The following ITGB5 variants were observed in gnomAD, a reference collection of about 807,000 sequenced individuals.
ITGB5 encodes integrin subunit beta 5, also known as integrin beta-5.
A neutral mutation model predicts 84.8 loss-of-function variants in ITGB5; 38 were observed. The observed-to-expected ratio is 0.45, with a 90% CI of 0.35 to 0.59. The LOEUF is 0.59. Among genes scored for constraint, ITGB5 ranks in the 20% least tolerant of loss-of-function variants. The pLI, the probability that ITGB5 is intolerant of heterozygous loss-of-function variation, is 0.01. For missense variants in ITGB5, 905 were observed against 1,034.5 expected (o/e 0.87, Z 1.72); for synonymous variants, 393 against 414.4 (o/e 0.95, Z 0.63).
chr3:124,812,833 C>G (rs935703517), intron 8 of ITGB5, among the ~76,000 whole-genome samples: 2 of 152,208 alleles, frequency 1.3e-5, no homozygotes, highest in Non-Finnish European at 2.9e-5. Context: ...CCTCCTCAGC[C>G]TGGCCAAATA....
At chr3:124,856,660 T>G (rs1341435109) in intron 3 of ITGB5, among the ~76,000 whole-genome samples, 1 of 152,232 alleles carries the variant, frequency 6.6e-6, no homozygotes, top group Non-Finnish European at 1.5e-5. Flanking sequence ...TGGATTATTT[T>G]TCTAGAATTT....
intron 2 of ITGB5, among the ~76,000 whole-genome samples, chr3:124,860,623 T>A (rs1003932428): frequency 2.0e-5 from 3 of 152,236 alleles, no homozygotes; most frequent in Admixed American, 2.0e-4. Context: ...CAAAGGGGTT[T>A]CACCTTTTCC....
intron 2 of ITGB5, 106 bp downstream of exon 2, chr3:124,873,340 A>G (rs1196820632): frequency 2.4e-6 from 2 of 823,432 alleles, no homozygotes; most frequent in East Asian, 4.9e-5. Flanking sequence ...GAATCTGCAC[A>G]GGATTTTTAT....
At chr3:124,783,312 AAGAG>A (rs1220165092) in intron 10 of ITGB5, among the ~76,000 whole-genome samples, 3,308 of 146,982 alleles carry the variant, frequency 0.023, 52 homozygotes, top group Middle Eastern at 0.056. Flanking sequence ...AAAAAAAAAA[AAGAG>A]AGAGAGAGAG....
upstream of ITGB5, among the ~76,000 whole-genome samples, chr3:124,891,473 A>G (rs1934999849): frequency 6.6e-6 from 1 of 151,632 alleles, no homozygotes; most frequent in Non-Finnish European, 1.5e-5. Flanking sequence ...GGAGGCCAGG[A>G]GTTCAAGACC....
At chr3:124,797,184 G>T (rs1011756026) in intron 9 of ITGB5, among the ~76,000 whole-genome samples, 5 of 152,122 alleles carry the variant, frequency 3.3e-5, no homozygotes, top group Admixed American at 6.5e-5. Flanking sequence ...TCCCAGCCCC[G>T]CTGCAGATGC....
At chr3:124,825,625 A>G (rs2064774332) in intron 5 of ITGB5, among the ~76,000 whole-genome samples, 2 of 152,242 alleles carry the variant, frequency 1.3e-5, no homozygotes, top group East Asian at 3.8e-4. Flanking sequence ...GGTATCCAGA[A>G]AAAGAAAAAA....
chr3:124,780,085 C>A (rs559436931), intron 10 of ITGB5, among the ~76,000 whole-genome samples: 150 of 151,816 alleles, frequency 9.9e-4, no homozygotes, highest in African/African-American at 3.5e-3. Context: ...GGCACAGTGG[C>A]CCTCAGCGAG....
In ITGB5 at chr3:124,796,398, G is replaced by A. The variant is rs547258315; in HGVS notation, c.1683C>T (p.Val561=). The stretch of plus-strand genomic sequence containing the variant: ...GCTGGGGACACTTACCTGAGCAGAG[G>A]ACTCCCTTGTTCCTGGCACAGGAGA... ...DNFSCARNKG[V]LCSGHGECHC... is the part of the protein sequence containing the mutation. Residue 561 remains valine, a synonymous_variant, in exon 10 of 15, where the codon GTC becomes GTT. Transcript: ENST00000296181. The A allele has an allele frequency of 1.3e-5, 21 of 1,609,466 alleles. No individual in the cohort carries two copies. The Admixed American group carries it at 3.0e-4, about 23-fold the overall frequency.
intron 6 of ITGB5, among the ~76,000 whole-genome samples, chr3:124,820,081 G>A (rs1559951829): frequency 6.6e-6 from 1 of 152,194 alleles, no homozygotes; most frequent in East Asian, 1.9e-4. Context: ...TCACCCCAGA[G>A]TGGAGAGGTG....
chr3:124,819,858 G>C (rs775015282), intron 6 of ITGB5, 24 bp from the exon 7 acceptor site: 1 of 1,528,828 alleles, frequency 6.5e-7, no homozygotes, highest in Non-Finnish European at 9.1e-7. Context: ...AAAAGTCAAG[G>C]CTATGACATT....
At chr3:124,827,480 C>T (rs947132827) in intron 5 of ITGB5, among the ~76,000 whole-genome samples, 2 of 152,118 alleles carry the variant, frequency 1.3e-5, no homozygotes, top group African/African-American at 4.8e-5. Flanking sequence ...TAAATTATTG[C>T]ATGCTAAACA....
intron 3 of ITGB5, among the ~76,000 whole-genome samples, chr3:124,853,445 C>G: frequency 6.6e-6 from 1 of 152,182 alleles, no homozygotes; most frequent in East Asian, 1.9e-4. Flanking sequence ...CCTATGGAAC[C>G]AAGGAACAAG....
chr3:124,895,849 A>G (rs1935091138), intron 1 of ITGB5, among the ~76,000 whole-genome samples: 1 of 152,160 alleles, frequency 6.6e-6, no homozygotes, highest in South Asian at 2.1e-4. Flanking sequence ...AGAAGAATTG[A>G]GTTCCAGTCC....
chr3:124,831,670 A>G (rs1025494075), intron 5 of ITGB5, among the ~76,000 whole-genome samples: 3 of 152,214 alleles, frequency 2.0e-5, no homozygotes, highest in African/African-American at 7.2e-5. Context: ...CAGAGACTGT[A>G]GCTTTAAATT....
intron 14 of ITGB5, 45 bp downstream of exon 14, chr3:124,764,346 T>G (rs1467889247): frequency 6.3e-7 from 1 of 1,578,420 alleles, no homozygotes; most frequent in African/African-American, 1.3e-5. Flanking sequence ...CAACCACGCC[T>G]CTGAGCTTGA....
At position 124,768,991 on chromosome 3, in the gene ITGB5, C is replaced by A. The variant is rs373303609; in HGVS notation, c.2017+22G>T. ...AGGAAGGAGAAAAACCGTGACTGCC[C>A]GGGTGGTGGCAGCACACTCACCGAT... On this transcript the variant is annotated intron_variant, in intron 12 of 14. Coordinates refer to ENST00000296181, the MANE Select transcript of ITGB5 (RefSeq NM_002213.5). 5.7e-6 allele frequency: 9 copies of A among 1,582,632 alleles called. No individual in the cohort carries two copies. The Admixed American group carries it at 1.5e-4, about 27-fold the overall frequency.
intron 10 of ITGB5, among the ~76,000 whole-genome samples, chr3:124,788,007 C>T (rs952607288): frequency 6.6e-6 from 1 of 151,298 alleles, no homozygotes; most frequent in Admixed American, 6.6e-5. Flanking sequence ...TTCTGGGCTC[C>T]AGTGGTCCTC....
At chr3:124,896,487 G>A (rs1935103411) in intron 1 of ITGB5, among the ~76,000 whole-genome samples, 1 of 152,186 alleles carries the variant, frequency 6.6e-6, no homozygotes, top group African/African-American at 2.4e-5. Context: ...GGTGCCTCAT[G>A]CCTGTAATCC....
Sources: allele counts gnomAD v4.1 joint callset (sites outside exome capture counted in the v4.1 genomes callset), GRCh38; gene constraint gnomAD v4.1.1; transcripts MANE v1.5; gene names NCBI Gene and HGNC (gene_info 2026-07-23, HGNC 2026-07-21).